EPB41: variants seen among roughly 807,000 people sequenced by gnomAD.
The protein encoded by EPB41 is protein 4.1.
Under a neutral mutation model 108.0 loss-of-function variants are expected in EPB41, and 65 were observed. That is an observed-to-expected ratio of 0.60 (90% CI 0.49 to 0.74). The LOEUF (loss-of-function observed/expected upper bound fraction) is 0.74, where lower values mean the gene tolerates loss of function less well. Ranked by LOEUF, EPB41 falls within the 30% of genes least tolerant of loss-of-function variation. EPB41 has a pLI of 0.00. For synonymous variants in EPB41, 336 were observed against 358.9 expected (o/e 0.94, Z 0.72); for missense variants, 875 against 1,037.0 (o/e 0.84, Z 2.15).
intron 1 of EPB41, among the ~76,000 whole-genome samples, chr1:28,941,438 C>T (rs1211473056): frequency 6.6e-6 from 1 of 152,038 alleles, no homozygotes; most frequent in Non-Finnish European, 1.5e-5. Context: ...AGGTATAGTT[C>T]TAGGCAGGTT....
rs891130539 is a variant in EPB41 at position 28,918,976 on chromosome 1, T to A, written c.-8+4208T>A. Among the ~76,000 whole-genome samples, 19 of 152,206 alleles carry A rather than the reference T, an allele frequency of 1.2e-4. 1 individual carries two copies. The highest frequency in any genetic ancestry group is 1.1e-3 in the Admixed American group (17 of 15,272). On this transcript the variant is annotated intron_variant, in intron 1 of 20. Transcript: ENST00000343067. Reference sequence around the variant, plus strand: ...ACTCTGGAGTGCACACTGGGTTAGATTAGTATTTTGATTTACTCTGCTGCT... The same window carrying A: ...ACTCTGGAGTGCACACTGGGTTAGAATAGTATTTTGATTTACTCTGCTGCT...
chr1:28,932,250 G>A (rs970795752), intron 1 of EPB41, among the ~76,000 whole-genome samples: 3 of 152,154 alleles, frequency 2.0e-5, no homozygotes, highest in Admixed American at 2.0e-4. Flanking sequence ...AGCCTCCTGA[G>A]TAGCAGGGAT....
chr1:28,980,314 G>A (rs1468433313), intron 1 of EPB41, among the ~76,000 whole-genome samples: 2 of 151,944 alleles, frequency 1.3e-5, no homozygotes, highest in Non-Finnish European at 2.9e-5. Flanking sequence ...CTCCAGCCTG[G>A]GCCACAGAGC....
At chr1:29,024,520 C>G (rs982216202) in intron 7 of EPB41, among the ~76,000 whole-genome samples, 5 of 151,772 alleles carry the variant, frequency 3.3e-5, no homozygotes, top group Non-Finnish European at 7.3e-5. Flanking sequence ...GTAATCCCAG[C>G]TACTCCGGAG....
intron 10 of EPB41, among the ~76,000 whole-genome samples, chr1:29,036,175 C>T (rs1462711954): frequency 6.6e-6 from 1 of 151,690 alleles, no homozygotes; most frequent in East Asian, 1.9e-4. Context: ...CTGTATTTAC[C>T]AGGGACTCTG....
At chr1:28,943,486 C>G (rs950145246) in intron 1 of EPB41, among the ~76,000 whole-genome samples, 29 of 152,012 alleles carry the variant, frequency 1.9e-4, no homozygotes, top group African/African-American at 6.5e-4. Flanking sequence ...AACCCTGTCT[C>G]TACTAAAAAA....
intron 1 of EPB41, among the ~76,000 whole-genome samples, chr1:28,952,960 C>T (rs896022964): frequency 3.9e-5 from 6 of 152,170 alleles, no homozygotes; most frequent in Admixed American, 6.5e-5. Flanking sequence ...AACTCCTGAC[C>T]TCAAGTGATG....
intron 1 of EPB41, among the ~76,000 whole-genome samples, chr1:28,896,821 G>C (rs1219063461): frequency 1.4e-5 from 1 of 70,080 alleles, no homozygotes. Flanking sequence ...CATGGGATAA[G>C]GAGCAGCGAT....
At chr1:28,904,275 A>C (rs1201167015) in intron 1 of EPB41, among the ~76,000 whole-genome samples, 1 of 151,024 alleles carries the variant, frequency 6.6e-6, no homozygotes, top group Non-Finnish European at 1.5e-5. Flanking sequence ...TAGGATCCCC[A>C]GTGCCCAATA....
intron 7 of EPB41, among the ~76,000 whole-genome samples, chr1:29,024,227 C>A (rs1412665912): frequency 6.6e-6 from 1 of 151,838 alleles, no homozygotes; most frequent in East Asian, 1.9e-4. Flanking sequence ...CCCAACTACT[C>A]TGGAGGCTGA....
chr1:28,960,562 A>C (rs757586692), intron 1 of EPB41, among the ~76,000 whole-genome samples: 10 of 129,346 alleles, frequency 7.7e-5, no homozygotes, highest in Non-Finnish European at 1.5e-4. Context: ...CCTCGTCTCT[A>C]CAAAAAAAAA....
intron 12 of EPB41, among the ~76,000 whole-genome samples, chr1:29,056,125 T>C (rs1434998809): frequency 6.6e-6 from 1 of 150,904 alleles, no homozygotes; most frequent in Non-Finnish European, 1.5e-5. Flanking sequence ...TCTCAGCTAC[T>C]CGGGAGGCCG....
chr1:28,908,153 G>A (rs532458822), intron 1 of EPB41, among the ~76,000 whole-genome samples: 5 of 152,054 alleles, frequency 3.3e-5, no homozygotes, highest in Admixed American at 1.3e-4. Context: ...TGTAATCCTA[G>A]CACTTTGGGA....
At chr1:28,899,210 G>C (rs1354967742) in intron 1 of EPB41, among the ~76,000 whole-genome samples, 1 of 152,194 alleles carries the variant, frequency 6.6e-6, no homozygotes, top group Non-Finnish European at 1.5e-5. Context: ...ACTGTAGAGT[G>C]GCACCGATTT....
chr1:28,908,341 G>A (rs1354527310), intron 1 of EPB41, among the ~76,000 whole-genome samples: 2 of 150,814 alleles, frequency 1.3e-5, no homozygotes, highest in African/African-American at 2.4e-5. Flanking sequence ...GGCAGAGGCC[G>A]CGGCAAGCCG....
intron 1 of EPB41, among the ~76,000 whole-genome samples, chr1:28,986,063 G>A (rs1571964956): frequency 7.1e-6 from 1 of 140,480 alleles, no homozygotes; most frequent in Admixed American, 7.8e-5. Flanking sequence ...TCCCACCTAT[G>A]AGTGAGAATA....
intron 1 of EPB41, among the ~76,000 whole-genome samples, chr1:28,890,391 C>G (rs765432388): frequency 1.3e-4 from 20 of 152,120 alleles, no homozygotes; most frequent in Non-Finnish European, 1.9e-4. Flanking sequence ...AGTCTGCAGG[C>G]TAGTCACTTT....
chr1:28,987,943 G>T, intron 2 of EPB41, 38 bp downstream of exon 2: 1 of 1,598,340 alleles, frequency 6.3e-7, no homozygotes, highest in African/African-American at 1.3e-5. Context: ...GCAAAGGAAG[G>T]CAGGTTATAC....
At chr1:29,057,431 T>C (rs1050909109) in intron 12 of EPB41, among the ~76,000 whole-genome samples, 13 of 149,410 alleles carry the variant, frequency 8.7e-5, no homozygotes, top group Non-Finnish European at 1.8e-4. Flanking sequence ...TAATTACCCC[T>C]GGTAGTTAAA....
Sources: allele counts gnomAD v4.1 joint callset (sites outside exome capture counted in the v4.1 genomes callset), GRCh38; gene constraint gnomAD v4.1.1; transcripts MANE v1.5; gene names NCBI Gene and HGNC (gene_info 2026-07-23, HGNC 2026-07-21).